Variants in BMP5 observed in about 807,000 individuals in gnomAD.
BMP5 encodes bone morphogenetic protein 5.
BMP5 carries 23 observed loss-of-function variants against 46.6 expected under a neutral mutation model. The ratio of observed to expected loss-of-function variants is 0.49; its 90% CI spans 0.35 to 0.70. BMP5 has a LOEUF of 0.70. BMP5 is among the 30% of genes least tolerant of loss of function. The probability of loss-of-function intolerance (pLI) is 0.00; values close to 1 mark genes in which losing one functional copy is unlikely to be tolerated. For missense variants in BMP5, 545 were observed against 565.6 expected, an observed-to-expected ratio of 0.96 and a Z score of 0.37; for synonymous variants, 204 against 191.9, an observed-to-expected ratio of 1.06 and a Z score of -0.52.
intron 1 of BMP5, among the ~76,000 whole-genome samples, chr6:55,821,197 G>A (rs1244977003): frequency 6.6e-6 from 1 of 152,096 alleles, no homozygotes; most frequent in East Asian, 1.9e-4. Flanking sequence ...CAGATGGGTG[G>A]CCACATTTGA....
At chr6:55,858,535 A>G (rs1245920125) in intron 1 of BMP5, among the ~76,000 whole-genome samples, 2 of 152,238 alleles carry the variant, frequency 1.3e-5, no homozygotes, top group Non-Finnish European at 2.9e-5. Context: ...CAAATAAAAG[A>G]GTATGTTTTA....
rs183861554 is a variant in BMP5 at position 55,825,329 on chromosome 6, G to T, written c.491-5482C>A. 4.0e-3 allele frequency among the ~76,000 whole-genome samples: 612 copies of T among 151,938 alleles called. 1 individual carries two copies. The highest frequency in any genetic ancestry group is 6.8e-3 in the Middle Eastern group (2 of 294). On this transcript the variant is annotated intron_variant, in intron 1 of 6. Coordinates refer to ENST00000370830, the MANE Select transcript of BMP5 (RefSeq NM_021073.4). ...GAGAAATAGAAAACTCAACTGCACT[G>T]CTAGAAGAAGAGAAATAATTTATTA...
intron 1 of BMP5, among the ~76,000 whole-genome samples, chr6:55,825,873 T>C (rs1181265709): frequency 6.6e-6 from 1 of 151,884 alleles, no homozygotes; most frequent in Non-Finnish European, 1.5e-5. Flanking sequence ...AAAGATAGCA[T>C]TCTCCCAGGA....
At chr6:55,764,014 A>C (rs1352105502) in intron 4 of BMP5, among the ~76,000 whole-genome samples, 2 of 152,220 alleles carry the variant, frequency 1.3e-5, no homozygotes, top group Non-Finnish European at 2.9e-5. Flanking sequence ...ACACTAGTAC[A>C]CTGTTGGTGG....
intron 3 of BMP5, among the ~76,000 whole-genome samples, chr6:55,782,749 T>C (rs993972256): frequency 2.0e-5 from 3 of 152,066 alleles, no homozygotes; most frequent in African/African-American, 7.2e-5. Flanking sequence ...AAAAGCCAAT[T>C]CAACATTTCT....
chr6:55,790,707 C>T (rs1474782175), intron 3 of BMP5, among the ~76,000 whole-genome samples: 1 of 152,158 alleles, frequency 6.6e-6, no homozygotes, highest in Non-Finnish European at 1.5e-5. Flanking sequence ...ATCCTGCCCT[C>T]ACCATCACTT....
chr6:55,843,702 A>C (rs765547030), intron 1 of BMP5, among the ~76,000 whole-genome samples: 2 of 152,080 alleles, frequency 1.3e-5, no homozygotes, highest in Non-Finnish European at 2.9e-5. Context: ...CTGGTATACT[A>C]TCATATCAAA....
intron 1 of BMP5, among the ~76,000 whole-genome samples, chr6:55,850,912 T>C (rs1158333564): frequency 6.6e-6 from 1 of 152,180 alleles, no homozygotes; most frequent in Non-Finnish European, 1.5e-5. Flanking sequence ...TGTAGAATGC[T>C]TTAAGTGATG....
At chr6:55,853,427 C>G (rs1777304596) in intron 1 of BMP5, among the ~76,000 whole-genome samples, 1 of 146,240 alleles carries the variant, frequency 6.8e-6, no homozygotes, top group African/African-American at 2.5e-5. Context: ...CTCCTATTAA[C>G]ATCATTGCTG....
At chr6:55,805,854 G>A (rs917399116) in intron 2 of BMP5, among the ~76,000 whole-genome samples, 38 of 152,116 alleles carry the variant, frequency 2.5e-4, no homozygotes, top group Non-Finnish European at 4.7e-4. Context: ...TTTGTTGGCC[G>A]CATAAATGTC....
In BMP5 at chr6:55,758,981, T is replaced by G. The variant is rs993084827; in HGVS notation, c.1215+24A>C. 3 of 1,467,700 alleles carry G rather than the reference T, an allele frequency of 2.0e-6. No individual in the cohort carries two copies. In the East Asian group the frequency reaches 6.8e-5, roughly 33 times the overall value. 90.9% of individuals were successfully genotyped at this position (1,467,700 alleles called of 1,614,324 possible). A position where few individuals can be genotyped will look rare whatever the true frequency, so the allele number is the denominator to read the frequency against. ...ATATGCTTGCATTCTAAGCTTTTCT[T>G]AATCCTTCAAAAACAAAGCTTACCA... On this transcript the variant is annotated intron_variant, in intron 6 of 6. Transcript: ENST00000370830.
intron 1 of BMP5, among the ~76,000 whole-genome samples, chr6:55,844,401 G>A (rs1158799914): frequency 6.6e-6 from 1 of 151,954 alleles, no homozygotes; most frequent in Non-Finnish European, 1.5e-5. Flanking sequence ...TATCAATGTA[G>A]GGAAGATATA....
chr6:55,842,562 C>T (rs1347239158), intron 1 of BMP5, among the ~76,000 whole-genome samples: 2 of 152,118 alleles, frequency 1.3e-5, no homozygotes, highest in Non-Finnish European at 2.9e-5. Flanking sequence ...GAACCCCAGA[C>T]TCCAATCACT....
Position 55,755,276 on chromosome 6 carries a change from A to G in BMP5, c.*257T>C. On this transcript the variant is annotated 3_prime_UTR_variant, in exon 7 of 7. Transcript: ENST00000370830. Reference sequence around the variant, plus strand: ...GAATTGAATGGACTCAGCATAACCCATTGAAAATTATACTAGATGATCTAT... The same window carrying G: ...GAATTGAATGGACTCAGCATAACCCGTTGAAAATTATACTAGATGATCTAT... 2.9e-6 allele frequency: 1 copy of G among 342,158 alleles called. No homozygotes were observed. Among genetic ancestry groups the G allele is most frequent in the South Asian group, 4.7e-5 (1 of 21,334 alleles). The allele number at this position is 342,158 out of a possible 1,614,324, so 21.2% of individuals were successfully genotyped here.
At chr6:55,793,662 G>C (rs1775628353) in intron 3 of BMP5, among the ~76,000 whole-genome samples, 1 of 152,108 alleles carries the variant, frequency 6.6e-6, no homozygotes, top group South Asian at 2.1e-4. Flanking sequence ...ATTTCCCACA[G>C]ACCCTTCCAC....
chr6:55,757,549 T>G (rs1175238814), intron 6 of BMP5, among the ~76,000 whole-genome samples: 2 of 151,892 alleles, frequency 1.3e-5, no homozygotes. Context: ...CATCCATCCT[T>G]GCAAAGCCTA....
In BMP5 at chr6:55,778,748, T is replaced by C. The variant is rs180677068; in HGVS notation, c.833-4505A>G. Among the ~76,000 whole-genome samples, 37 of 152,140 alleles carry C rather than the reference T, an allele frequency of 2.4e-4. No homozygotes were observed. The East Asian group carries it at 7.0e-3, about 29-fold the overall frequency. On this transcript the variant is annotated intron_variant, in intron 3 of 6. Transcript: ENST00000370830. ...GAACAAAGATAGGATTGGACTGATA[T>C]CTTCTAAGAAATTATTATTCTATTC...
chr6:55,834,102 T>C (rs928549670), intron 1 of BMP5, among the ~76,000 whole-genome samples: 5 of 152,100 alleles, frequency 3.3e-5, no homozygotes, highest in African/African-American at 1.2e-4. Flanking sequence ...AAGGGTAACT[T>C]CCTGCAAGCA....
At chr6:55,850,928 T>G (rs1777227506) in intron 1 of BMP5, among the ~76,000 whole-genome samples, 1 of 152,180 alleles carries the variant, frequency 6.6e-6, no homozygotes, top group African/African-American at 2.4e-5. Context: ...TGATGAAATG[T>G]TTGTATACCA....
Sources: gnomAD v4.1 joint callset for allele counts (sites outside exome capture counted in the v4.1 genomes callset) on GRCh38, gnomAD v4.1.1 for gene constraint, MANE v1.5 for transcripts, NCBI Gene and HGNC (gene_info 2026-07-23, HGNC 2026-07-21) for gene names.